Variants in PPP4R4 observed in about 807,000 individuals in gnomAD.
The protein encoded by PPP4R4 is protein phosphatase 4 regulatory subunit 4, also known as serine/threonine-protein phosphatase 4 regulatory subunit 4.
A neutral mutation model predicts 121.8 loss-of-function variants in PPP4R4; 70 were observed. The ratio of observed to expected loss-of-function variants is 0.57; its 90% CI spans 0.47 to 0.70. The LOEUF is 0.70. Ranked by LOEUF, PPP4R4 falls within the 30% of genes least tolerant of loss-of-function variation. The pLI, the probability that PPP4R4 is intolerant of heterozygous loss-of-function variation, is 0.00. For missense variants in PPP4R4, 875 were observed against 1,033.6 expected (o/e 0.85, Z 2.10); for synonymous variants, 348 against 355.7 (o/e 0.98, Z 0.24).
At chr14:94,223,534 A>G (rs1362327975) in intron 3 of PPP4R4, among the ~76,000 whole-genome samples, 1 of 152,124 alleles carries the variant, frequency 6.6e-6, no homozygotes, top group Non-Finnish European at 1.5e-5. Flanking sequence ...TCAGTCCCTC[A>G]AGACCCTCTT....
chr14:94,175,985 A>G, intron 1 of PPP4R4, 69 bp from the exon 2 acceptor site: 2 of 1,169,378 alleles, frequency 1.7e-6, no homozygotes, highest in East Asian at 2.3e-5. Context: ...ATAGAGGGTC[A>G]CTGGGAGGTT....
intron 15 of PPP4R4, among the ~76,000 whole-genome samples, chr14:94,250,939 T>G (rs1012620342): frequency 1.9e-4 from 29 of 151,994 alleles, no homozygotes; most frequent in African/African-American, 7.0e-4. Context: ...GATTTTCTAG[T>G]TATTGGAGTT....
At chr14:94,230,840 C>G in intron 4 of PPP4R4, 106 bp downstream of exon 4, 4 of 1,287,000 alleles carry the variant, frequency 3.1e-6, no homozygotes, top group Non-Finnish European at 4.2e-6. Context: ...CTGAGTAAGG[C>G]CATGCTGCCT....
At chr14:94,271,139 G>A (rs1352651273) in intron 23 of PPP4R4, among the ~76,000 whole-genome samples, 1 of 152,078 alleles carries the variant, frequency 6.6e-6, no homozygotes, top group Non-Finnish European at 1.5e-5. Context: ...TCTTTCACAA[G>A]ATAGAAGCAA....
intron 6 of PPP4R4, 123 bp from the exon 7 acceptor site, chr14:94,234,439 T>C: frequency 1.6e-6 from 1 of 624,330 alleles, no homozygotes; most frequent in Non-Finnish European, 2.7e-6. Flanking sequence ...TAAACTATTA[T>C]TTTTTTTCTA....
chr14:94,224,281 T>C (rs559515356), intron 3 of PPP4R4, among the ~76,000 whole-genome samples: 3 of 152,218 alleles, frequency 2.0e-5, no homozygotes, highest in African/African-American at 7.2e-5. Context: ...CAAATTATAG[T>C]TTTAAATGCT....
intron 2 of PPP4R4, among the ~76,000 whole-genome samples, chr14:94,195,157 A>G (rs1022872125): frequency 1.3e-5 from 2 of 152,192 alleles, no homozygotes; most frequent in African/African-American, 4.8e-5. Flanking sequence ...AAATGTTAAG[A>G]TTCTGCAGTC....
At position 94,265,821 on chromosome 14, in the gene PPP4R4, T is replaced by A; in HGVS notation, c.2312T>A (p.Ile771Asn). Residue 771 changes from isoleucine to asparagine, a missense_variant, in exon 22 of 25, where the codon ATT (isoleucine) becomes AAT (asparagine). Physicochemically the swap from Ile to Asn is moderately radical, Grantham distance 149 (BLOSUM62 -3). Transcript: ENST00000304338. ...AAAGAAATCAAGAAATCCAAACTGA[T>A]TCGAAGCCAGTCTTTTAATAATCAA... ...TSKEIKKSKL[I>N]RSQSFNNQAF... 1 of 1,609,046 alleles carries A rather than the reference T, an allele frequency of 6.2e-7. No individual in the cohort carries two copies. The highest frequency in any genetic ancestry group is 8.5e-7 in the Non-Finnish European group (1 of 1,176,708).
chr14:94,174,971 CCG>C (rs1888590685), intron 1 of PPP4R4, among the ~76,000 whole-genome samples: 1 of 71,416 alleles, frequency 1.4e-5, no homozygotes, highest in Non-Finnish European at 2.9e-5. Flanking sequence ...CCCCTTCCTT[CCG>C]CCCCCCCCCC....
Position 94,272,689 on chromosome 14 carries a change from T to A in PPP4R4, c.2450-2685T>A, listed in dbSNP as rs928636963. ...ATTAAAACTACTATTTGAAAAATACTGTCAAGAGAATGAGAAGGCAAGCCA... is the reference window on the plus strand; with the variant it reads ...ATTAAAACTACTATTTGAAAAATACAGTCAAGAGAATGAGAAGGCAAGCCA... On this transcript the variant is annotated intron_variant, in intron 23 of 24. Transcript: ENST00000304338. Among the ~76,000 whole-genome samples the A allele has an allele frequency of 1.8e-4, 28 of 152,164 alleles. 1 individual carries two copies. The highest frequency in any genetic ancestry group is 6.8e-4 in the African/African-American group (28 of 41,446).
At position 94,266,945 on chromosome 14, in the gene PPP4R4, A is replaced by G. The variant is rs779637910; in HGVS notation, c.2379-14A>G. The stretch of plus-strand genomic sequence containing the variant: ...GTGTTTTTGTATTTTAAACTAAATC[A>G]TGTTGTTTTCTAGTAAAAGTTCTAC... On this transcript the variant is annotated splice_polypyrimidine_tract_variant and intron_variant, in intron 22 of 24. Coordinates refer to ENST00000304338, the MANE Select transcript of PPP4R4 (RefSeq NM_058237.2). The G allele has an allele frequency of 2.0e-5, 31 of 1,518,822 alleles. No individual in the cohort carries two copies. In the African/African-American group the frequency reaches 2.9e-4, roughly 14 times the overall value. 94.1% of individuals were successfully genotyped at this position (1,518,822 alleles called of 1,614,324 possible).
chr14:94,251,151 C>T (rs1893157761), intron 15 of PPP4R4, among the ~76,000 whole-genome samples: 3 of 151,880 alleles, frequency 2.0e-5, no homozygotes, highest in African/African-American at 7.2e-5. Flanking sequence ...TATTTTTGAA[C>T]ATTTATGTAA....
intron 6 of PPP4R4, 69 bp from the exon 7 acceptor site, chr14:94,234,493 G>A (rs1892218615): frequency 4.3e-6 from 4 of 927,950 alleles, no homozygotes; most frequent in African/African-American, 1.7e-5. Context: ...AGATTTTAAT[G>A]ATAATTGTTT....
At chr14:94,202,860 G>A (rs1416544052) in intron 2 of PPP4R4, among the ~76,000 whole-genome samples, 1 of 152,006 alleles carries the variant, frequency 6.6e-6, no homozygotes, top group Admixed American at 6.6e-5. Flanking sequence ...GCACGTGCCT[G>A]TAATCCCAGC....
At position 94,233,864 on chromosome 14, in the gene PPP4R4, T is replaced by C. The variant is rs557529034; in HGVS notation, c.623+105T>C. 5.0e-5 allele frequency: 38 copies of C among 755,078 alleles called. No homozygotes were observed. The East Asian group carries it at 8.1e-4, about 16-fold the overall frequency. 46.8% of individuals were successfully genotyped at this position (755,078 alleles called of 1,614,324 possible). Reference sequence around the variant, plus strand: ...TGTTATTTCATACTGCATACAAATTTAGTTATCTTAACTATTTTAACTTTA... The same window carrying C: ...TGTTATTTCATACTGCATACAAATTCAGTTATCTTAACTATTTTAACTTTA... On this transcript the variant is annotated intron_variant, in intron 6 of 24. Coordinates refer to ENST00000304338, the MANE Select transcript of PPP4R4 (RefSeq NM_058237.2).
chr14:94,222,358 C>T (rs1891454494), intron 3 of PPP4R4, among the ~76,000 whole-genome samples: 1 of 151,812 alleles, frequency 6.6e-6, no homozygotes, highest in African/African-American at 2.4e-5. Flanking sequence ...ACAAAAAGGA[C>T]ATATTATCAA....
chr14:94,219,080 CTT>C (rs71301922), intron 3 of PPP4R4, among the ~76,000 whole-genome samples: 1 of 106,938 alleles, frequency 9.4e-6, no homozygotes, highest in Non-Finnish European at 1.9e-5. Context: ...CTTTTCTTTT[CTT>C]TTTTTTTTTT....
At chr14:94,203,044 A>G (rs1355891601) in intron 2 of PPP4R4, among the ~76,000 whole-genome samples, 1 of 152,210 alleles carries the variant, frequency 6.6e-6, no homozygotes, top group African/African-American at 2.4e-5. Context: ...TGTAAGAAAT[A>G]ATACAGAAAT....
intron 2 of PPP4R4, among the ~76,000 whole-genome samples, chr14:94,191,453 A>C (rs544354990): frequency 6.6e-6 from 1 of 152,336 alleles, no homozygotes; most frequent in East Asian, 1.9e-4. Flanking sequence ...AAATCAGAGT[A>C]GTTAGCATTC....
Sources: allele counts gnomAD v4.1 joint callset (sites outside exome capture counted in the v4.1 genomes callset), GRCh38; gene constraint gnomAD v4.1.1; transcripts MANE v1.5; gene names NCBI Gene and HGNC (gene_info 2026-07-23, HGNC 2026-07-21).